The following TNRC6A variants were observed in gnomAD, a reference collection of about 807,000 sequenced individuals.
TNRC6A encodes trinucleotide repeat containing adaptor 6A.
TNRC6A carries 44 observed loss-of-function variants against 221.2 expected under a neutral mutation model. The observed-to-expected ratio is 0.20, with a 90% confidence interval of 0.16 to 0.26. TNRC6A has a LOEUF of 0.26. Among genes scored for constraint, TNRC6A ranks in the 10% least tolerant of loss-of-function variants. The pLI, the probability that TNRC6A is intolerant of heterozygous loss-of-function variation, is 1.00. For missense variants in TNRC6A, 2,199 were observed against 2,404.4 expected, an observed-to-expected ratio of 0.91 and a Z score of 1.79; for synonymous variants, 847 against 838.5, an observed-to-expected ratio of 1.01 and a Z score of -0.18.
At chr16:24,723,086 A>T (rs896675555) in intron 2 of TNRC6A, among the ~76,000 whole-genome samples, 1 of 152,010 alleles carries the variant, frequency 6.6e-6, no homozygotes, top group African/African-American at 2.4e-5. Flanking sequence ...TACCCAGGAG[A>T]TATTACGTGG....
intron 4 of TNRC6A, among the ~76,000 whole-genome samples, chr16:24,764,420 G>A (rs977365917): frequency 6.6e-6 from 1 of 151,206 alleles, no homozygotes; most frequent in Non-Finnish European, 1.5e-5. Context: ...TCCACTTGCC[G>A]GGTTCAAATG....
intron 22 of TNRC6A, chr16:24,821,860 T>C (rs113128583): frequency 4.7e-4 from 271 of 575,230 alleles, no homozygotes; most frequent in African/African-American, 4.3e-3. Flanking sequence ...TGGGAGCCAT[T>C]CTGAGCTCAC....
chr16:24,695,293 G>A lies in TNRC6A; in HGVS notation n.402+54284G>A, dbSNP rs138852222. On this transcript the variant is annotated intron_variant and non_coding_transcript_variant, in intron 2 of 2. Transcript: ENST00000566108. ...AAGGCTGTGCATAAAATAATCCCAA[G>A]TTATGATGTCTACCTGTGTCAACTA... Among the ~76,000 whole-genome samples the A allele has an allele frequency of 2.7e-3, 412 of 152,252 alleles. 3 individuals carry two copies. Among genetic ancestry groups the A allele is most frequent in the African/African-American group, 9.5e-3 (393 of 41,544 alleles).
chr16:24,759,689 G>A (rs999569638), intron 4 of TNRC6A, among the ~76,000 whole-genome samples: 1 of 152,154 alleles, frequency 6.6e-6, no homozygotes, highest in Non-Finnish European at 1.5e-5. Flanking sequence ...TGCCAGTAGT[G>A]CCTAAAGTCA....
intron 4 of TNRC6A, among the ~76,000 whole-genome samples, chr16:24,764,511 C>T (rs531550629): frequency 1.8e-4 from 28 of 151,836 alleles, no homozygotes; most frequent in African/African-American, 3.9e-4. Context: ...TTAGTAGAGA[C>T]GGGGTTTCAC....
In TNRC6A at chr16:24,764,167, C is replaced by T. The variant is rs188371027; in HGVS notation, c.163+5807C>T. Among the ~76,000 whole-genome samples, 30 of 151,560 alleles carry T rather than the reference C, an allele frequency of 2.0e-4. No homozygotes were observed. In the East Asian group the frequency reaches 5.2e-3, roughly 26 times the overall value. On this transcript the variant is annotated intron_variant, in intron 4 of 24. Transcript: ENST00000395799. ...TGACTGTTTTTTTTTTTTAAGATTC[C>T]ACTTGTAAGTGAGATCTTGGCAGTA... is the stretch of plus-strand genomic sequence containing the variant.
chr16:24,687,850 GAA>G (rs1491239520), intron 2 of TNRC6A, among the ~76,000 whole-genome samples: 4 of 149,084 alleles, frequency 2.7e-5, no homozygotes, highest in African/African-American at 9.8e-5. Context: ...AGAGGAAGAA[GAA>G]GAAGAAGAAG....
At chr16:24,777,626 CTG>C (rs1302493144) in intron 5 of TNRC6A, among the ~76,000 whole-genome samples, 1 of 152,138 alleles carries the variant, frequency 6.6e-6, no homozygotes, top group Non-Finnish European at 1.5e-5. Context: ...GACTATAAGA[CTG>C]TAGCTAAAAT....
chr16:24,755,663 A>G (rs773285465), intron 3 of TNRC6A, among the ~76,000 whole-genome samples: 7 of 152,234 alleles, frequency 4.6e-5, no homozygotes, highest in African/African-American at 9.6e-5. Context: ...AGTGTGCTTC[A>G]GGACCATGTT....
Position 24,823,860 on chromosome 16 carries a change from A to T in TNRC6A, c.*53A>T. The T allele has an allele frequency of 7.3e-7, 1 of 1,369,054 alleles. No individual in the cohort carries two copies. 84.8% of individuals were successfully genotyped at this position (1,369,054 alleles called of 1,614,324 possible). A position where few individuals can be genotyped will look rare whatever the true frequency, so the allele number is the denominator to read the frequency against. On this transcript the variant is annotated 3_prime_UTR_variant, in exon 25 of 25. Coordinates refer to ENST00000395799, the MANE Select transcript of TNRC6A (RefSeq NM_014494.4). This position sits in a 1 kb window ranked among gnomAD's most constrained non-coding sequence, Gnocchi z 4.3. The stretch of plus-strand genomic sequence containing the variant: ...GACCTCAGACGCGAGGGAAAGGAGC[A>T]CTAAGTGGGGCTCGCCGCCTGCAGC...
chr16:24,804,556 A>G, intron 12 of TNRC6A, 149 bp from the exon 13 acceptor site: 2 of 1,281,268 alleles, frequency 1.6e-6, no homozygotes, highest in Non-Finnish European at 2.1e-6. Context: ...TGTGCTCTAG[A>G]ATTAACACTA....
chr16:24,706,966 T>C (rs541577257), intron 2 of TNRC6A, among the ~76,000 whole-genome samples: 152 of 145,550 alleles, frequency 1.0e-3, no homozygotes, highest in African/African-American at 3.8e-3. Context: ...GATGTATTTA[T>C]TTATTTATCT....
At chr16:24,787,889 G>A (rs1013907480) in intron 5 of TNRC6A, among the ~76,000 whole-genome samples, 1 of 152,072 alleles carries the variant, frequency 6.6e-6, no homozygotes, top group East Asian at 1.9e-4. Flanking sequence ...ACCCCTGAAG[G>A]TTGGCTCATT....
intron 2 of TNRC6A, among the ~76,000 whole-genome samples, chr16:24,654,596 G>GTA (rs1485862863): frequency 6.6e-6 from 1 of 152,094 alleles, no homozygotes; most frequent in Admixed American, 6.6e-5. Context: ...GCATGCACCT[G>GTA]TAGTACCAGC....
In TNRC6A at chr16:24,685,732, C is replaced by T. The variant is rs562053169; in HGVS notation, n.402+44723C>T. Among the ~76,000 whole-genome samples, 7 of 152,244 alleles carry T rather than the reference C, an allele frequency of 4.6e-5. No individual in the cohort carries two copies. In the South Asian group the frequency reaches 1.5e-3, roughly 32 times the overall value. On this transcript the variant is annotated intron_variant and non_coding_transcript_variant, in intron 2 of 2. Transcript: ENST00000566108. ...CTACCAACTATCTGGTGCCCTTGGG[C>T]GAGTCACTCCATCTCTCTGTGCCTC...
At chr16:24,692,506 G>T (rs1329713272) in intron 2 of TNRC6A, among the ~76,000 whole-genome samples, 1 of 152,030 alleles carries the variant, frequency 6.6e-6, no homozygotes, top group Non-Finnish European at 1.5e-5. Flanking sequence ...GGAGATGGAG[G>T]TTGCAGTGAG....
chr16:24,749,403 G>A (rs907044281), intron 2 of TNRC6A, among the ~76,000 whole-genome samples: 2 of 152,178 alleles, frequency 1.3e-5, no homozygotes, highest in Non-Finnish European at 1.5e-5. Context: ...TCCTGTGGAA[G>A]GTTTTGTTTC....
At position 24,777,180 on chromosome 16, in the gene TNRC6A, T is replaced by G; in HGVS notation, c.411T>G (p.Pro137=). The change falls in exon 5 of 25, where the codon CCT becomes CCG. Residue 137 remains proline, a synonymous_variant. Transcript: ENST00000395799. Reference sequence around the variant, plus strand: ...TGCCTCGGTATCCTCGTGAAGTACCTCCACGATTTCGCCACCAGGAACACA... The same window carrying G: ...TGCCTCGGTATCCTCGTGAAGTACCGCCACGATTTCGCCACCAGGAACACA... ...QALPRYPREV[P]PRFRHQEHKQ... is the part of the protein sequence containing the mutation. 6.2e-7 allele frequency: 1 copy of G among 1,614,134 alleles called. No individual in the cohort carries two copies. The highest frequency in any genetic ancestry group is 8.5e-7 in the Non-Finnish European group (1 of 1,180,028).
intron 18 of TNRC6A, among the ~76,000 whole-genome samples, chr16:24,812,982 C>A (rs1596808869): frequency 6.8e-6 from 1 of 147,156 alleles, no homozygotes; most frequent in African/African-American, 2.6e-5. Context: ...CTCAGATGAC[C>A]CCCCCACCTC....
Sources: allele counts gnomAD v4.1 joint callset (sites outside exome capture counted in the v4.1 genomes callset), GRCh38; gene constraint gnomAD v4.1.1; non-coding constraint Gnocchi (gnomAD v3.1); transcripts MANE v1.5; gene names NCBI Gene and HGNC (gene_info 2026-07-23, HGNC 2026-07-21).